Variants in KIF11 observed in about 807,000 individuals in gnomAD.
KIF11 encodes kinesin family member 11.
In KIF11, 9 loss-of-function variants were observed where a neutral mutation model predicts 121.0. The observed-to-expected ratio is 0.07, with a 90% CI of 0.04 to 0.13. KIF11 has a LOEUF of 0.13. KIF11 is among the 10% of genes least tolerant of loss of function. The pLI is 1.00. For synonymous variants in KIF11, 408 were observed against 421.0 expected (o/e 0.97, Z 0.38); for missense variants, 846 against 1,217.5 (o/e 0.69, Z 4.54).
In KIF11 at chr10:92,650,492, C is replaced by G; in HGVS notation, c.3014C>G (p.Ser1005Ter). The G allele has an allele frequency of 6.2e-7, 1 of 1,611,144 alleles. No homozygotes were observed. The change falls in exon 21 of 22, where the codon TCA becomes TGA. Residue 1005 changes from serine (S) to a stop codon, truncating the protein, a stop_gained. Coordinates refer to ENST00000260731, the MANE Select transcript of KIF11 (RefSeq NM_004523.4). LOFTEE classifies it high-confidence loss of function. ...GTAGATGCTGGTGTGGATTGTTCAT[C>G]AATTGGCGGGGTTCCATTTTTCCAG... ...PSVDAGVDCSSIGGVPFFQHK... is the reference protein window; with the variant it reads ...PSVDAGVDCS
chr10:92,602,825 C>CGTGTGTGTGTGTGT (rs3980475), intron 1 of KIF11, among the ~76,000 whole-genome samples: 103 of 122,434 alleles, frequency 8.4e-4, no homozygotes, highest in African/African-American at 3.6e-3. Context: ...CACACACACA[C>CGTGTGTGTGTGTGT]GTGTGTGTGT....
chr10:92,645,273 T>G, intron 17 of KIF11, 90 bp from the exon 18 acceptor site: 1 of 910,074 alleles, frequency 1.1e-6, no homozygotes, highest in Non-Finnish European at 1.7e-6. Context: ...CGTTCAGATC[T>G]GCCACTTAAG....
In KIF11 at chr10:92,637,526, T is replaced by C. The variant is rs1254287244; in HGVS notation, c.2141T>C (p.Ile714Thr). The change falls in exon 16 of 22, where the codon ATA becomes ACA. Residue 714 changes from isoleucine (I) to threonine (T), a missense_variant. Coordinates refer to ENST00000260731, the MANE Select transcript of KIF11 (RefSeq NM_004523.4). ...CGNLTEDLKT[I>T]KQTHSQELCK... ...AACCTAACTGAAGACCTGAAGACAA[T>C]AAAGCAGACCCATTCCCAGGTATGT... The C allele has an allele frequency of 3.7e-6, 6 of 1,603,148 alleles. No individual in the cohort carries two copies. Among genetic ancestry groups the C allele is most frequent in the South Asian group, 3.4e-5 (3 of 88,220 alleles).
rs1554859641 is a variant in KIF11, at chr10:92,609,303, A to AGTGAGT, written c.574-79_574-78insAGTGTG. The AGTGAGT allele has an allele frequency of 2.7e-3, 1,029 of 382,200 alleles. 5 individuals carry two copies. The highest frequency in any genetic ancestry group is 3.1e-3 in the Non-Finnish European group (852 of 273,660). 23.7% of individuals were successfully genotyped at this position (382,200 alleles called of 1,614,324 possible). A position where few individuals can be genotyped will look rare whatever the true frequency, so the allele number is the denominator to read the frequency against. ...GAGAGAGAGAGAGAGAGAGAGAGAG[A>AGTGAGT]GTGTGTGTGTGTGTGTGTGTGTGTG... On this transcript the variant is annotated intron_variant, in intron 5 of 21. Transcript: ENST00000260731.
chr10:92,633,062 A>G (rs939655089), intron 13 of KIF11, among the ~76,000 whole-genome samples: 1 of 151,024 alleles, frequency 6.6e-6, no homozygotes, highest in African/African-American at 2.4e-5. Context: ...ACATTCTGCA[A>G]CTTTTTTTGG....
intron 17 of KIF11, among the ~76,000 whole-genome samples, chr10:92,641,093 T>G (rs944693123): frequency 8.5e-5 from 13 of 152,210 alleles, no homozygotes; most frequent in African/African-American, 3.1e-4. Context: ...GCTTGCCAGT[T>G]CCGCATACTT....
At chr10:92,634,285 C>G (rs773567007) in intron 14 of KIF11, among the ~76,000 whole-genome samples, 58 of 146,128 alleles carry the variant, frequency 4.0e-4, no homozygotes, top group Admixed American at 7.6e-4. Context: ...GCCCAGCCAG[C>G]CTCTCCTTTT....
intron 1 of KIF11, among the ~76,000 whole-genome samples, chr10:92,597,746 G>T (rs1383826636): frequency 6.6e-6 from 1 of 151,804 alleles, no homozygotes; most frequent in Non-Finnish European, 1.5e-5. Flanking sequence ...CCGCCTCCTG[G>T]GTTCAAGCCA....
intron 8 of KIF11, among the ~76,000 whole-genome samples, chr10:92,614,265 T>G (rs1023310339): frequency 6.6e-6 from 1 of 151,880 alleles, no homozygotes; most frequent in Non-Finnish European, 1.5e-5. Flanking sequence ...CCCACCTAAT[T>G]TTTGTATTTT....
At chr10:92,612,763 C>T (rs1017357327) in intron 6 of KIF11, among the ~76,000 whole-genome samples, 1 of 152,170 alleles carries the variant, frequency 6.6e-6, no homozygotes, top group Non-Finnish European at 1.5e-5. Flanking sequence ...TGTTTCGACC[C>T]CACCCACATC....
Position 92,653,711 on chromosome 10 carries a change from C to T in KIF11, c.3086C>T (p.Thr1029Ile). ...GACAAAGAAAACAGAGGCATTAACACACTGGAGAGGTCTAAAGTGGAAGAA... is the reference window on the plus strand; with the variant it reads ...GACAAAGAAAACAGAGGCATTAACATACTGGAGAGGTCTAAAGTGGAAGAA... ...GKDKENRGIN[T>I]LERSKVEETT... The change falls in exon 22 of 22, where the codon ACA (threonine) becomes ATA (isoleucine). Residue 1029 changes from threonine to isoleucine, a missense_variant. Transcript: ENST00000260731. The T allele has an allele frequency of 1.2e-6, 2 of 1,612,872 alleles. No individual in the cohort carries two copies. The highest frequency in any genetic ancestry group is 1.1e-5 in the South Asian group (1 of 91,046).
Position 92,613,223 on chromosome 10 carries a change from T to C in KIF11, c.789+93T>C. On this transcript the variant is annotated intron_variant, in intron 7 of 21. Transcript: ENST00000260731. This position sits in a 1 kb window ranked among gnomAD's most constrained non-coding sequence, Gnocchi z 4.2. The stretch of plus-strand genomic sequence containing the variant: ...CTTGAGACAAAATTTTTGTGGTCAC[T>C]GGGTGATTAGCTTTGTAGTGGGAGA... 1.8e-6 allele frequency: 2 copies of C among 1,139,772 alleles called. No homozygotes were observed. The highest frequency in any genetic ancestry group is 2.5e-6 in the Non-Finnish European group (2 of 796,730). 70.6% of individuals were successfully genotyped at this position (1,139,772 alleles called of 1,614,324 possible).
At chr10:92,651,961 CTTTTTTTTTT>C (rs36000362) in intron 21 of KIF11, among the ~76,000 whole-genome samples, 1 of 102,550 alleles carries the variant, frequency 9.8e-6, no homozygotes, top group Non-Finnish European at 1.9e-5. Flanking sequence ...ATGCTTGTAC[CTTTTTTTTTT>C]TTTTTTTTTT....
Position 92,613,983 on chromosome 10 carries a change from A to C in KIF11, c.1032+364A>C, listed in dbSNP as rs1589594023. 6.7e-6 allele frequency among the ~76,000 whole-genome samples: 1 copy of C among 148,246 alleles called. No homozygotes were observed. Among genetic ancestry groups the C allele is most frequent in the East Asian group, 2.0e-4 (1 of 4,996 alleles). On this transcript the variant is annotated intron_variant, in intron 8 of 21. Transcript: ENST00000260731. This position sits in a 1 kb window ranked among gnomAD's most constrained non-coding sequence, Gnocchi z 4.2. Reference sequence around the variant, plus strand: ...AGAGGGAGACCCCATCTCAAAAAAAAAAAAGTATGTGTATAAAAAAAAAGA... The same window carrying C: ...AGAGGGAGACCCCATCTCAAAAAAACAAAAGTATGTGTATAAAAAAAAAGA...
chr10:92,607,037 A>C lies in KIF11; in HGVS notation c.309-122A>C, dbSNP rs1844437939. 4 of 648,000 alleles carry C rather than the reference A, an allele frequency of 6.2e-6. No homozygotes were observed. The Admixed American group carries it at 1.1e-4, about 18-fold the overall frequency. 40.1% of individuals were successfully genotyped at this position (648,000 alleles called of 1,614,324 possible). On this transcript the variant is annotated intron_variant, in intron 3 of 21. Transcript: ENST00000260731. ...GGTGATCCGCCCACCTCGGCCTCCCAAAGTGTTGGGATTATAGGCTTGAGC... is the reference window on the plus strand; with the variant it reads ...GGTGATCCGCCCACCTCGGCCTCCCCAAGTGTTGGGATTATAGGCTTGAGC...
chr10:92,651,961 CTTTTTTTTT>C (rs36000362), intron 21 of KIF11, among the ~76,000 whole-genome samples: 5 of 102,550 alleles, frequency 4.9e-5, no homozygotes, highest in African/African-American at 1.8e-4. Context: ...ATGCTTGTAC[CTTTTTTTTT>C]TTTTTTTTTT....
intron 17 of KIF11, among the ~76,000 whole-genome samples, chr10:92,640,304 G>T (rs1281706051): frequency 6.6e-6 from 1 of 150,622 alleles, no homozygotes; most frequent in African/African-American, 2.5e-5. Flanking sequence ...GTTGTCTTTG[G>T]CTGCCTTTGC....
chr10:92,604,533 A>G (rs1262252079), intron 1 of KIF11, among the ~76,000 whole-genome samples: 2 of 152,156 alleles, frequency 1.3e-5, no homozygotes, highest in South Asian at 2.1e-4. Context: ...AAGTTTTAGT[A>G]TAGTTGGCAA....
At chr10:92,651,308 G>A (rs532568440) in intron 21 of KIF11, among the ~76,000 whole-genome samples, 102 of 151,612 alleles carry the variant, frequency 6.7e-4, no homozygotes, top group African/African-American at 2.2e-3. Flanking sequence ...GATTACAGGC[G>A]TGAGCCACTG....
Sources: gnomAD v4.1 joint callset for allele counts (sites outside exome capture counted in the v4.1 genomes callset) on GRCh38, gnomAD v4.1.1 for gene constraint, Gnocchi (gnomAD v3.1) non-coding constraint, MANE v1.5 for transcripts, NCBI Gene and HGNC (gene_info 2026-07-23, HGNC 2026-07-21) for gene names.